The following GPI variants were observed in gnomAD, a reference collection of about 807,000 sequenced individuals.
The protein encoded by GPI is glucose-6-phosphate isomerase, also known as D-hexose-6-phosphate anomerase.
In GPI, 56 loss-of-function variants were observed where a neutral mutation model predicts 75.8. The observed-to-expected ratio is 0.74, with a 90% confidence interval of 0.60 to 0.92. The LOEUF (loss-of-function observed/expected upper bound fraction) is 0.92. Among genes scored for constraint, GPI ranks in the 40% least tolerant of loss-of-function variants. GPI has a pLI of 0.00. For missense variants in GPI, 638 were observed against 741.0 expected (o/e 0.86, Z 1.61); for synonymous variants, 288 against 285.4 (o/e 1.01, Z -0.09).
intron 9 of GPI, among the ~76,000 whole-genome samples, chr19:34,386,432 A>G (rs551237721): frequency 6.6e-6 from 1 of 152,170 alleles, no homozygotes; most frequent in African/African-American, 2.4e-5. Flanking sequence ...CTGAGGAGCC[A>G]GGGTCAGGCA....
upstream of GPI, among the ~76,000 whole-genome samples, chr19:34,361,898 C>T (rs1458449571): frequency 1.6e-4 from 24 of 151,992 alleles, no homozygotes; most frequent in Non-Finnish European, 2.2e-4. Flanking sequence ...AGACGGATCA[C>T]GAGGTCAGGA....
upstream of GPI, among the ~76,000 whole-genome samples, chr19:34,361,470 A>G (rs2074301194): frequency 6.6e-6 from 1 of 152,206 alleles, no homozygotes; most frequent in African/African-American, 2.4e-5. Flanking sequence ...TGAGGGATAC[A>G]TGGAAAGGAT....
At chr19:34,378,825 G>A (rs1356379324) in intron 6 of GPI, 109 bp from the exon 7 acceptor site, 1 of 802,632 alleles carries the variant, frequency 1.2e-6, no homozygotes, top group Non-Finnish European at 2.2e-6. Context: ...TGCAAATACT[G>A]CTCCATGGGA....
intron 13 of GPI, 62 bp downstream of exon 13, chr19:34,396,492 T>G (rs1404123474): frequency 9.3e-6 from 15 of 1,612,662 alleles, no homozygotes; most frequent in East Asian, 4.5e-5. Flanking sequence ...CCAGAAGAGA[T>G]ATCTCACTTA....
At position 34,377,751 on chromosome 19, in the gene GPI, C is replaced by G; in HGVS notation, c.503C>G (p.Thr168Ser). The change falls in exon 6 of 18, where the codon ACT becomes AGT. Residue 168 changes from threonine (T) to serine (S), a missense_variant. Physicochemically the swap from Thr to Ser is moderately conservative, Grantham distance 58. Transcript: ENST00000356487. ...GGSDLGPLMVTEALKPYSSGG... is the reference protein window; with the variant it reads ...GGSDLGPLMVSEALKPYSSGG... Reference sequence around the variant, plus strand: ...TCCCCGCAGGGACCCCTCATGGTGACTGAAGCCCTTAAGCCATACTCTTCA... The same window carrying G: ...TCCCCGCAGGGACCCCTCATGGTGAGTGAAGCCCTTAAGCCATACTCTTCA... 1 of 1,614,084 alleles carries G rather than the reference C, an allele frequency of 6.2e-7. No individual in the cohort carries two copies.
intron 4 of GPI, among the ~76,000 whole-genome samples, chr19:34,376,696 G>A (rs1023543566): frequency 6.6e-6 from 1 of 152,088 alleles, no homozygotes; most frequent in Non-Finnish European, 1.5e-5. Flanking sequence ...CTGGACTCAA[G>A]CAATCCTCCT....
chr19:34,379,411 A>C (rs1311162927), intron 7 of GPI, 107 bp from the exon 8 acceptor site: 1 of 982,610 alleles, frequency 1.0e-6, no homozygotes, highest in Non-Finnish European at 1.7e-6. Flanking sequence ...AGAACCAAGG[A>C]CTGGGAATCT....
At chr19:34,372,692 C>A (rs1411994767) in intron 4 of GPI, among the ~76,000 whole-genome samples, 1 of 152,124 alleles carries the variant, frequency 6.6e-6, no homozygotes, top group Non-Finnish European at 1.5e-5. Context: ...CTTGTATAAT[C>A]CCAGCATTTT....
At chr19:34,364,827 G>A, upstream of GPI, 1 of 629,156 alleles carries the variant, frequency 1.6e-6, no homozygotes, top group Admixed American at 3.0e-5. Flanking sequence ...AACACTGCCT[G>A]TAACGTGGAA....
At chr19:34,377,659 C>T (rs1056954197) in intron 5 of GPI, 73 bp downstream of exon 5, 105 of 1,589,520 alleles carry the variant, frequency 6.6e-5, no homozygotes, top group Non-Finnish European at 9.0e-5. Context: ...TTTACTTTCT[C>T]CAGGGATGGG....
Position 34,367,331 on chromosome 19 carries a change from C to T in GPI, c.282+480C>T, listed in dbSNP as rs1427109770. ...TGGACACTGAGCACCCAGACTCTGT[C>T]CTCATGATGTCATTATCCTCCTCTT... is the stretch of plus-strand genomic sequence containing the variant. On this transcript the variant is annotated intron_variant, in intron 3 of 17. Coordinates refer to ENST00000356487, the MANE Select transcript of GPI (RefSeq NM_000175.5). Among the ~76,000 whole-genome samples, 8 of 152,228 alleles carry T rather than the reference C, an allele frequency of 5.3e-5. No homozygotes were observed. The East Asian group carries it at 1.5e-3, about 29-fold the overall frequency.
intron 9 of GPI, among the ~76,000 whole-genome samples, chr19:34,386,103 G>A (rs2074730844): frequency 1.3e-5 from 2 of 151,274 alleles, no homozygotes; most frequent in African/African-American, 2.4e-5. Context: ...GCCAGGTATG[G>A]TCTGAAGAGC....
intron 4 of GPI, among the ~76,000 whole-genome samples, chr19:34,376,657 C>T (rs760106776): frequency 2.6e-5 from 4 of 151,944 alleles, no homozygotes; most frequent in Non-Finnish European, 5.9e-5. Flanking sequence ...TGCAGTGTTG[C>T]GATCTTGGCT....
intron 12 of GPI, among the ~76,000 whole-genome samples, chr19:34,396,081 G>A (rs1442320625): frequency 6.6e-6 from 1 of 152,026 alleles, no homozygotes; most frequent in African/African-American, 2.4e-5. Context: ...TGGGATTACA[G>A]GCATGCGCCA....
Position 34,377,878 on chromosome 19 carries a change from C to G in GPI, c.630C>G (p.Ser210=). The G allele has an allele frequency of 6.2e-7, 1 of 1,614,128 alleles. No homozygotes were observed. The highest frequency in any genetic ancestry group is 8.5e-7 in the Non-Finnish European group (1 of 1,179,988). Reference sequence around the variant, plus strand: ...AGTCCTCCCTGTTCATCATTGCCTCCAAGGTATGAGTGCCGAAAACTGCCC... The same window carrying G: ...AGTCCTCCCTGTTCATCATTGCCTCGAAGGTATGAGTGCCGAAAACTGCCC... ...NPESSLFIIA[S]KTFTTQETIT... is the part of the protein sequence containing the mutation. Residue 210 remains serine, a synonymous_variant, in exon 6 of 18, where the codon TCC becomes TCG. Transcript: ENST00000356487.
At chr19:34,381,564 C>T in intron 9 of GPI, 45 bp downstream of exon 9, 2 of 1,326,766 alleles carry the variant, frequency 1.5e-6, no homozygotes, top group Non-Finnish European at 1.1e-6. Context: ...GTGTCCTTTG[C>T]CAAGTCATGG....
intron 3 of GPI, 177 bp downstream of exon 3, chr19:34,367,028 C>T: frequency 1.4e-6 from 1 of 703,080 alleles, no homozygotes; most frequent in Non-Finnish European, 2.6e-6. Context: ...GTGCCTTCCA[C>T]AAGATTGGTT....
intron 3 of GPI, among the ~76,000 whole-genome samples, chr19:34,368,257 G>C (rs1335842816): frequency 6.6e-6 from 1 of 152,196 alleles, no homozygotes; most frequent in Non-Finnish European, 1.5e-5. Flanking sequence ...GACATGTATT[G>C]TTGCCATTCT....
intron 9 of GPI, among the ~76,000 whole-genome samples, chr19:34,386,444 G>T (rs2074736327): frequency 6.6e-6 from 1 of 152,132 alleles, no homozygotes; most frequent in Non-Finnish European, 1.5e-5. Context: ...GGTCAGGCAG[G>T]TAGACAAAAC....
Sources: allele counts gnomAD v4.1 joint callset (sites outside exome capture counted in the v4.1 genomes callset), GRCh38; gene constraint gnomAD v4.1.1; transcripts MANE v1.5; gene names NCBI Gene and HGNC (gene_info 2026-07-23, HGNC 2026-07-21).